NUP153: variants seen among roughly 807,000 people sequenced by gnomAD.
NUP153 encodes the protein nucleoporin 153.
In NUP153, 27 loss-of-function variants were observed where a neutral mutation model predicts 134.6. That is an observed-to-expected ratio of 0.20 (90% CI 0.15 to 0.28). The LOEUF is 0.28. NUP153 is among the 10% of genes least tolerant of loss of function. NUP153 has a pLI of 1.00. For synonymous variants in NUP153, 640 were observed against 623.5 expected (o/e 1.03, Z -0.40); for missense variants, 1,821 against 1,731.3 (o/e 1.05, Z -0.92).
At chr6:17,663,532 G>A (rs745934783) in intron 9 of NUP153, among the ~76,000 whole-genome samples, 13 of 151,852 alleles carry the variant, frequency 8.6e-5, no homozygotes, top group Non-Finnish European at 1.3e-4. Context: ...TCAAAGCACT[G>A]GGATTATAGG....
chr6:17,661,705 T>G lies in NUP153; in HGVS notation c.1343A>C (p.Lys448Thr). Reference sequence around the variant, plus strand: ...AAAGCGTGTTCTTTCTCGTCTCATCTTGCCACCTCCACCACCTACTCCAGA... The same window carrying G: ...AAAGCGTGTTCTTTCTCGTCTCATCGTGCCACCTCCACCACCTACTCCAGA... Reference protein sequence around the residue: ...LSSGVGGGGGKMRRERTRFVA... With the variant: ...LSSGVGGGGGTMRRERTRFVA... Residue 448 changes from lysine (K) to threonine (T), a missense_variant, in exon 11 of 22, where the codon AAG becomes ACG. Lys to Thr is a moderately conservative substitution (Grantham distance 78). Transcript: ENST00000262077. 1 of 1,614,044 alleles carries G rather than the reference T, an allele frequency of 6.2e-7. No individual in the cohort carries two copies. Among genetic ancestry groups the G allele is most frequent in the Non-Finnish European group, 8.5e-7 (1 of 1,179,960 alleles).
chr6:17,637,655 C>T lies in NUP153; in HGVS notation c.1962G>A (p.Glu654=), dbSNP rs761415082. The T allele has an allele frequency of 4.3e-6, 7 of 1,613,690 alleles. No individual in the cohort carries two copies. The South Asian group carries it at 4.4e-5, about 10-fold the overall frequency. ...GCCATGATGACCCAGCTTTTAAACT[C>T]TCCCCAAACCCAATTCCACTAGAAG... The part of the protein sequence containing the change: ...SFSSSGIGFG[E]SLKAGSSWQC... The change falls in exon 16 of 22, where the codon GAG becomes GAA. Residue 654 remains glutamate (E), a synonymous_variant. Transcript: ENST00000262077.
At chr6:17,657,500 G>T (rs1454271710) in intron 11 of NUP153, among the ~76,000 whole-genome samples, 2 of 152,040 alleles carry the variant, frequency 1.3e-5, no homozygotes, top group Non-Finnish European at 2.9e-5. Flanking sequence ...GGAGGTGGAG[G>T]GTGCCATGAG....
At chr6:17,673,467 C>T (rs1213733452) in intron 5 of NUP153, among the ~76,000 whole-genome samples, 1 of 152,060 alleles carries the variant, frequency 6.6e-6, no homozygotes, top group Non-Finnish European at 1.5e-5. Context: ...GAAAAATGAA[C>T]TCTCTCAAAA....
rs144688186 is a variant in NUP153 at position 17,637,335 on chromosome 6, G to A, written c.2282C>T (p.Thr761Ile). The change falls in exon 16 of 22, where the codon ACA becomes ATA. Residue 761 changes from threonine to isoleucine, a missense_variant. Transcript: ENST00000262077. The stretch of plus-strand genomic sequence containing the variant: ...AGTCTCAGCACTTTCCGAAACCACT[G>A]TCAATGTAAGGGCTCGCTTCACACA... ...GTCVKRALTL[T>I]VVSESAETMT... 1 of 1,614,070 alleles carries A rather than the reference G, an allele frequency of 6.2e-7. No individual in the cohort carries two copies. The highest frequency in any genetic ancestry group is 1.3e-5 in the African/African-American group (1 of 74,932).
Position 17,632,863 on chromosome 6 carries a change from ACGG to A in NUP153, c.2465-22_2465-20del. 2 of 1,499,172 alleles carry A rather than the reference ACGG, an allele frequency of 1.3e-6. No homozygotes were observed. Among genetic ancestry groups the A allele is most frequent in the Non-Finnish European group, 1.8e-6 (2 of 1,119,770 alleles). The allele number at this position is 1,499,172 out of a possible 1,614,324, so 92.9% of individuals were successfully genotyped here. A position where few individuals can be genotyped will look rare whatever the true frequency, so the allele number is the denominator to read the frequency against. On this transcript the variant is annotated intron_variant, in intron 16 of 21. Transcript: ENST00000262077. ...GAACTTCCTAAAAAAAAAAAAAAAA[ACGG>A]GGAGTGGGGGGAGATTTCATGAAAA...
chr6:17,675,352 C>T lies in NUP153; in HGVS notation c.600G>A (p.Lys200=). The T allele has an allele frequency of 3.1e-6, 5 of 1,613,710 alleles. No homozygotes were observed. Among genetic ancestry groups the T allele is most frequent in the Non-Finnish European group, 4.2e-6 (5 of 1,179,894 alleles). The change falls in exon 4 of 22, where the codon AAG becomes AAA. Residue 200 remains lysine (K), a synonymous_variant. Coordinates refer to ENST00000262077, the MANE Select transcript of NUP153 (RefSeq NM_005124.4). The surrounding 1 kb of genome is among the most constrained non-coding windows in gnomAD (Gnocchi z 4.4). ...ACCACAGAGGTGGCAATGAAGTGTT[C>T]TTTGAAACAGTTATATCTGAAACAA... ...RASDKDITVS[K]NTSLPPLWSP... is the part of the protein sequence containing the mutation.
Position 17,701,831 on chromosome 6 carries a change from T to TGGGGG in NUP153, c.111+4445_111+4446insCCCCC, listed in dbSNP as rs1180643494. Among the ~76,000 whole-genome samples, 19 of 15,050 alleles carry TGGGGG rather than the reference T, an allele frequency of 1.3e-3. 2 individuals carry two copies. Among genetic ancestry groups the TGGGGG allele is most frequent in the Non-Finnish European group, 2.8e-3 (15 of 5,370 alleles). 9.9% of individuals were successfully genotyped at this position (15,050 alleles called of 152,430 possible). A position where few individuals can be genotyped will look rare whatever the true frequency, so the allele number is the denominator to read the frequency against. On this transcript the variant is annotated intron_variant, in intron 1 of 21. Transcript: ENST00000262077. The stretch of plus-strand genomic sequence containing the variant: ...CTGGGCAACAGAGCAAGACTCTGTC[T>TGGGGG]CGGGGGGGGGGGGAAAAAAGCTAAA...
chr6:17,659,257 C>T (rs1212325742), intron 11 of NUP153, among the ~76,000 whole-genome samples: 2 of 152,190 alleles, frequency 1.3e-5, no homozygotes, highest in Non-Finnish European at 2.9e-5. Context: ...CTTGTCGAAT[C>T]CCAAAGCACA....
Position 17,706,316 on chromosome 6 carries a change from C to T in NUP153, c.72G>A (p.Gly24=), listed in dbSNP as rs200171293. Residue 24 remains glycine, a synonymous_variant, in exon 1 of 22, where the codon GGG becomes GGA. Transcript: ENST00000262077. This position sits in a 1 kb window ranked among gnomAD's most constrained non-coding sequence, Gnocchi z 5.9. ...GCCCCTGCTGGTAAGGCTTAATTGG[C>T]CCCTGGTGGCAACGCCGCGTCCGGA... is the stretch of plus-strand genomic sequence containing the variant. ...GKIRTRRCHQ[G]PIKPYQQGRQ... is the part of the protein sequence containing the mutation. 8 of 1,613,504 alleles carry T rather than the reference C, an allele frequency of 5.0e-6. No homozygotes were observed. In the African/African-American group the frequency reaches 5.3e-5, roughly 11 times the overall value.
chr6:17,632,735 T>C lies in NUP153; in HGVS notation c.2574A>G (p.Glu858=), dbSNP rs769062061. The C allele has an allele frequency of 2.5e-6, 4 of 1,613,686 alleles. No homozygotes were observed. The highest frequency in any genetic ancestry group is 3.4e-6 in the Non-Finnish European group (4 of 1,179,888). Residue 858 remains glutamate, a synonymous_variant, in exon 17 of 22, where the codon GAA becomes GAG. Transcript: ENST00000262077. ...CTGCCTTATTCTGCACTAGGCACAA[T>C]TCACAGTCCCAGCTTCCCTCGGGTT... ...FKKPEGSWDC[E]LCLVQNKADS... is the part of the protein sequence containing the mutation.
intron 16 of NUP153, among the ~76,000 whole-genome samples, chr6:17,634,524 C>T (rs993092468): frequency 2.6e-5 from 4 of 152,056 alleles, no homozygotes; most frequent in African/African-American, 7.3e-5. Context: ...GCAACCTCCA[C>T]CTCCCAGGTT....
chr6:17,647,426 AG>A (rs1431724412), intron 13 of NUP153, among the ~76,000 whole-genome samples: 3 of 152,200 alleles, frequency 2.0e-5, no homozygotes. Flanking sequence ...CAGCAATTAA[AG>A]GACAGTCTGG....
chr6:17,631,895 A>G (rs1765273837), intron 17 of NUP153, among the ~76,000 whole-genome samples: 1 of 152,072 alleles, frequency 6.6e-6, no homozygotes, highest in Non-Finnish European at 1.5e-5. Context: ...TGAACCCAGG[A>G]GGCGGAGCTT....
At chr6:17,703,197 CAA>C (rs544859988) in intron 1 of NUP153, among the ~76,000 whole-genome samples, 7 of 67,706 alleles carry the variant, frequency 1.0e-4, no homozygotes, top group Admixed American at 1.6e-4. Flanking sequence ...GACTCCATCT[CAA>C]AAAAAAAAAA....
At chr6:17,658,115 G>A (rs1057348819) in intron 11 of NUP153, among the ~76,000 whole-genome samples, 1 of 152,214 alleles carries the variant, frequency 6.6e-6, no homozygotes. Context: ...GTTTTGCAAA[G>A]GAGGCTGGGC....
At chr6:17,669,978 C>T (rs921418937) in intron 5 of NUP153, among the ~76,000 whole-genome samples, 2 of 151,502 alleles carry the variant, frequency 1.3e-5, no homozygotes, top group African/African-American at 4.9e-5. Context: ...GCCTGCAGTC[C>T]CAGCTACTCG....
chr6:17,624,759 T>C lies in NUP153; in HGVS notation c.3976A>G (p.Thr1326Ala). 1 of 1,614,156 alleles carries C rather than the reference T, an allele frequency of 6.2e-7. No individual in the cohort carries two copies. The highest frequency in any genetic ancestry group is 1.1e-5 in the South Asian group (1 of 91,084). Reference protein sequence around the residue: ...SPAFGANQTPTFGQSQGASQP... With the variant: ...SPAFGANQTPAFGQSQGASQP... ...CTGGCACCTTGACTTTGTCCAAATGTTGGGGTCTGGTTAGCACCAAATGCT... is the reference window on the plus strand; with the variant it reads ...CTGGCACCTTGACTTTGTCCAAATGCTGGGGTCTGGTTAGCACCAAATGCT... The change falls in exon 20 of 22, where the codon ACA (threonine) becomes GCA (alanine). Residue 1326 changes from threonine to alanine, a missense_variant. Thr to Ala is a moderately conservative substitution (Grantham distance 58, BLOSUM62 0). Transcript: ENST00000262077.
chr6:17,666,473 C>T (rs1235136549), intron 8 of NUP153, among the ~76,000 whole-genome samples: 24 of 152,238 alleles, frequency 1.6e-4, no homozygotes, highest in Non-Finnish European at 2.9e-5. Context: ...GAGATTGTGC[C>T]ACCGCACTCC....
Sources: allele counts gnomAD v4.1 joint callset (sites outside exome capture counted in the v4.1 genomes callset), GRCh38; gene constraint gnomAD v4.1.1; non-coding constraint Gnocchi (gnomAD v3.1); transcripts MANE v1.5; gene names NCBI Gene and HGNC (gene_info 2026-07-23, HGNC 2026-07-21).